ARF3: variants seen among roughly 807,000 people sequenced by gnomAD.
ARF3 encodes ADP-ribosylation factor 3.
A neutral mutation model predicts 19.3 loss-of-function variants in ARF3; 5 were observed. The ratio of observed to expected loss-of-function variants is 0.26; its 90% confidence interval spans 0.14 to 0.54. The LOEUF (loss-of-function observed/expected upper bound fraction) is 0.54, where lower values mean the gene tolerates loss of function less well. Ranked by LOEUF, ARF3 falls within the 20% of genes least tolerant of loss-of-function variation. The pLI, the probability that ARF3 is intolerant of heterozygous loss-of-function variation, is 0.95. For synonymous variants in ARF3, 71 were observed against 89.2 expected, an observed-to-expected ratio of 0.80 and a Z score of 1.15; for missense variants, 77 against 234.2, an observed-to-expected ratio of 0.33 and a Z score of 4.38.
chr12:48,943,844 C>G (rs1380192447), intron 1 of ARF3, among the ~76,000 whole-genome samples: 1 of 152,150 alleles, frequency 6.6e-6, no homozygotes, highest in East Asian at 1.9e-4. Flanking sequence ...GTTCACACAC[C>G]AGGAAGAAGG....
At position 48,955,016 on chromosome 12, in the gene ARF3, G is replaced by A. The variant is rs146083153; in HGVS notation, c.-94+2294C>T. Among the ~76,000 whole-genome samples the A allele has an allele frequency of 2.0e-4, 31 of 152,196 alleles. No individual in the cohort carries two copies. In the East Asian group the frequency reaches 5.4e-3, roughly 27 times the overall value. Reference sequence around the variant, plus strand: ...GGTGGATAAAAATAAAGGTATATAGGGAAGCAGATTCTACAATTTCCTTCA... The same window carrying A: ...GGTGGATAAAAATAAAGGTATATAGAGAAGCAGATTCTACAATTTCCTTCA... On this transcript the variant is annotated intron_variant, in intron 1 of 4. Coordinates refer to ENST00000256682, the MANE Select transcript of ARF3 (RefSeq NM_001659.3).
rs751704489 is a variant in ARF3, at chr12:48,940,940, G to A, written c.148+8C>T. The A allele has an allele frequency of 4.4e-6, 7 of 1,595,188 alleles. No individual in the cohort carries two copies. Among genetic ancestry groups the A allele is most frequent in the South Asian group, 2.2e-5 (2 of 89,042 alleles). ...GCGTGAAAGCCCACATCCAAGCTGT[G>A]CTCTTACCAATGGTAGGGATGGTGG... is the stretch of plus-strand genomic sequence containing the variant. On this transcript the variant is annotated splice_region_variant and intron_variant, in intron 2 of 4. Coordinates refer to ENST00000256682, the MANE Select transcript of ARF3 (RefSeq NM_001659.3).
At position 48,938,847 on chromosome 12, in the gene ARF3, C is replaced by T; in HGVS notation, c.*100G>A. On this transcript the variant is annotated 3_prime_UTR_variant, in exon 5 of 5. Coordinates refer to ENST00000256682, the MANE Select transcript of ARF3 (RefSeq NM_001659.3). The stretch of plus-strand genomic sequence containing the variant: ...GGCATGTGGACATGATACCCAGGGC[C>T]CTGGCCACACTTGCATGGAGAGGAA... 6.8e-7 allele frequency: 1 copy of T among 1,479,170 alleles called. No homozygotes were observed. Among genetic ancestry groups the T allele is most frequent in the South Asian group, 1.3e-5 (1 of 74,918 alleles). The allele number at this position is 1,479,170 out of a possible 1,614,324, so 91.6% of individuals were successfully genotyped here. A position where few individuals can be genotyped will look rare whatever the true frequency, so the allele number is the denominator to read the frequency against.
chr12:48,944,514 G>A (rs541383144), intron 1 of ARF3, among the ~76,000 whole-genome samples: 9 of 152,284 alleles, frequency 5.9e-5, no homozygotes, highest in African/African-American at 2.2e-4. Flanking sequence ...TGCTTCCCAC[G>A]TTAAGCTGTG....
At chr12:48,954,872 C>T (rs965582546) in intron 1 of ARF3, among the ~76,000 whole-genome samples, 2 of 151,926 alleles carry the variant, frequency 1.3e-5, no homozygotes, top group Non-Finnish European at 1.5e-5. Flanking sequence ...AAAAAAAATT[C>T]GCTGGGCATG....
intron 2 of ARF3, 68 bp from the exon 3 acceptor site, chr12:48,940,175 A>G: frequency 7.5e-7 from 1 of 1,340,448 alleles, no homozygotes; most frequent in Non-Finnish European, 1.1e-6. Flanking sequence ...CACCACAATG[A>G]GTTTGGTTCT....
intron 1 of ARF3, among the ~76,000 whole-genome samples, chr12:48,943,459 C>T (rs1431572064): frequency 6.6e-6 from 1 of 152,196 alleles, no homozygotes; most frequent in East Asian, 1.9e-4. Flanking sequence ...GAGACACACA[C>T]ACACCCCAAA....
Position 48,938,132 on chromosome 12 carries a change from G to A in ARF3, c.*815C>T, listed in dbSNP as rs537013104. 5 of 330,576 alleles carry A rather than the reference G, an allele frequency of 1.5e-5. No homozygotes were observed. Among genetic ancestry groups the A allele is most frequent in the African/African-American group, 8.6e-5 (4 of 46,588 alleles). 20.5% of individuals were successfully genotyped at this position (330,576 alleles called of 1,614,324 possible). On this transcript the variant is annotated 3_prime_UTR_variant, in exon 5 of 5. Transcript: ENST00000256682. ...CTCTCCTTCCCAACAGTAAGGCAGA[G>A]CAGAGTGGCATCTCCTTGGGAACAG...
intron 1 of ARF3, chr12:48,955,669 ATT>A (rs1940550954): frequency 6.6e-6 from 1 of 152,162 alleles, no homozygotes; most frequent in Non-Finnish European, 1.5e-5. Context: ...ATCTATTTAC[ATT>A]CTAAATTCAT....
Position 48,939,633 on chromosome 12 carries a change from C to T in ARF3, c.384+22G>A, listed in dbSNP as rs771573035. ...CAGCCAGTTTGCTGTCTCCCAAATT[C>T]AGGGGTGGGAAGAAGTCTCACCTGT... On this transcript the variant is annotated intron_variant, in intron 4 of 4. Coordinates refer to ENST00000256682, the MANE Select transcript of ARF3 (RefSeq NM_001659.3). The surrounding 1 kb of genome is among the most constrained non-coding windows in gnomAD (Gnocchi z 4.8). The T allele has an allele frequency of 6.2e-7, 1 of 1,613,806 alleles. No homozygotes were observed. Among genetic ancestry groups the T allele is most frequent in the East Asian group, 2.2e-5 (1 of 44,896 alleles).
In ARF3 at chr12:48,937,809, G is replaced by A. The variant is rs1195044588; in HGVS notation, c.*1138C>T. 6.5e-6 allele frequency: 1 copy of A among 153,552 alleles called. No homozygotes were observed. Among genetic ancestry groups the A allele is most frequent in the Non-Finnish European group, 1.5e-5 (1 of 68,942 alleles). The allele number at this position is 153,552 out of a possible 1,614,324, so 9.5% of individuals were successfully genotyped here. ...CTGGTCAGGCCAGTAGGAGTACTAG[G>A]GTGAGAAAATTCTGACCAAGGACAG... On this transcript the variant is annotated 3_prime_UTR_variant, in exon 5 of 5. Coordinates refer to ENST00000256682, the MANE Select transcript of ARF3 (RefSeq NM_001659.3).
At chr12:48,941,968 G>A (rs548856543) in intron 1 of ARF3, among the ~76,000 whole-genome samples, 2 of 152,304 alleles carry the variant, frequency 1.3e-5, no homozygotes, top group East Asian at 3.9e-4. Context: ...CAATGAGGCA[G>A]TCATCTCATT....
At chr12:48,956,226 A>C (rs1940563560) in intron 1 of ARF3, 1 of 152,318 alleles carries the variant, frequency 6.6e-6, no homozygotes, top group African/African-American at 2.4e-5. Flanking sequence ...GGGGTGACCC[A>C]ATCCAACAAC....
chr12:48,945,439 G>T (rs926319804), intron 1 of ARF3, among the ~76,000 whole-genome samples: 1 of 152,060 alleles, frequency 6.6e-6, no homozygotes, highest in Admixed American at 6.6e-5. Context: ...AATTAGCCGG[G>T]TGTGGTGGCT....
chr12:48,952,692 G>C (rs1315307712), intron 1 of ARF3, among the ~76,000 whole-genome samples: 1 of 152,190 alleles, frequency 6.6e-6, no homozygotes, highest in East Asian at 1.9e-4. Flanking sequence ...TGTGGACAAG[G>C]CCAACCATTA....
chr12:48,951,590 A>AAATT (rs1940472681), intron 1 of ARF3, among the ~76,000 whole-genome samples: 1 of 123,122 alleles, frequency 8.1e-6, no homozygotes, highest in Admixed American at 8.5e-5. Flanking sequence ...ATAAATAAAT[A>AAATT]ATAAATAGGC....
At chr12:48,943,056 G>A (rs991119891) in intron 1 of ARF3, among the ~76,000 whole-genome samples, 1 of 152,150 alleles carries the variant, frequency 6.6e-6, no homozygotes, top group Non-Finnish European at 1.5e-5. Context: ...GCAGTGAGCC[G>A]AGATCACGCC....
At position 48,950,261 on chromosome 12, in the gene ARF3, T is replaced by C. The variant is rs144237716; in HGVS notation, c.-94+7049A>G. On this transcript the variant is annotated intron_variant, in intron 1 of 4. Transcript: ENST00000256682. ...CCCAAGCTGGAGTGCAGTGGCGTGA[T>C]AGTGGCTCACTGCAGCCTCCACCTC... Among the ~76,000 whole-genome samples, 327 of 151,862 alleles carry C rather than the reference T, an allele frequency of 2.2e-3. 2 individuals carry two copies. The highest frequency in any genetic ancestry group is 7.3e-3 in the African/African-American group (302 of 41,404).
intron 1 of ARF3, among the ~76,000 whole-genome samples, chr12:48,943,648 G>C (rs1223927823): frequency 6.6e-6 from 1 of 152,178 alleles, no homozygotes; most frequent in African/African-American, 2.4e-5. Context: ...GCAAATTCCA[G>C]ACTAGTGCAA....
Sources: gnomAD v4.1 joint callset for allele counts (sites outside exome capture counted in the v4.1 genomes callset) on GRCh38, gnomAD v4.1.1 for gene constraint, Gnocchi (gnomAD v3.1) non-coding constraint, MANE v1.5 for transcripts, NCBI Gene and HGNC (gene_info 2026-07-23, HGNC 2026-07-21) for gene names.